CTNND2: variants seen among roughly 807,000 people sequenced by gnomAD.
CTNND2 encodes catenin delta-2.
CTNND2 carries 22 observed loss-of-function variants against 144.4 expected under a neutral mutation model. The ratio of observed to expected loss-of-function variants is 0.15; its 90% CI spans 0.11 to 0.22. CTNND2 has a LOEUF of 0.22. Ranked by LOEUF, CTNND2 falls within the 10% of genes least tolerant of loss-of-function variation. The pLI, the probability that CTNND2 is intolerant of heterozygous loss-of-function variation, is 1.00. For synonymous variants in CTNND2, 751 were observed against 695.6 expected (o/e 1.08, Z -1.25); for missense variants, 1,353 against 1,618.8 (o/e 0.84, Z 2.82).
chr5:11,296,362 G>A (rs1748999123), intron 9 of CTNND2, among the ~76,000 whole-genome samples: 1 of 152,084 alleles, frequency 6.6e-6, no homozygotes, highest in Non-Finnish European at 1.5e-5. Flanking sequence ...TGGAGAAAAA[G>A]GAACACTTTT....
chr5:11,279,534 GA>G (rs1746905073), intron 9 of CTNND2, among the ~76,000 whole-genome samples: 2 of 152,124 alleles, frequency 1.3e-5, no homozygotes, highest in South Asian at 4.1e-4. Context: ...AAGAGAGCAG[GA>G]ATAGCCAATC....
intron 2 of CTNND2, among the ~76,000 whole-genome samples, chr5:11,677,276 C>G (rs1187682681): frequency 6.6e-6 from 1 of 152,178 alleles, no homozygotes; most frequent in Non-Finnish European, 1.5e-5. Flanking sequence ...ATATCTTGCC[C>G]AAATAGGGCA....
intron 3 of CTNND2, among the ~76,000 whole-genome samples, chr5:11,433,631 G>A (rs1240466170): frequency 6.6e-6 from 1 of 152,146 alleles, no homozygotes; most frequent in Non-Finnish European, 1.5e-5. Flanking sequence ...GCAAAAGAGT[G>A]AGAAAGGGGT....
chr5:11,157,220 T>C (rs1033007354), intron 12 of CTNND2, among the ~76,000 whole-genome samples: 1 of 152,182 alleles, frequency 6.6e-6, no homozygotes, highest in African/African-American at 2.4e-5. Flanking sequence ...TATTTAAAAA[T>C]CTAATCTCTA....
intron 16 of CTNND2, among the ~76,000 whole-genome samples, chr5:11,034,656 G>C (rs1342413133): frequency 6.6e-6 from 1 of 152,204 alleles, no homozygotes; most frequent in Non-Finnish European, 1.5e-5. Context: ...AGTGCACACA[G>C]GCAACTGTCT....
At chr5:11,634,527 A>C (rs1781580887) in intron 2 of CTNND2, among the ~76,000 whole-genome samples, 1 of 152,138 alleles carries the variant, frequency 6.6e-6, no homozygotes, top group African/African-American at 2.4e-5. Flanking sequence ...ACAAACCAGG[A>C]GTCTCTCATT....
At chr5:11,248,774 A>G (rs1489469944) in intron 9 of CTNND2, among the ~76,000 whole-genome samples, 4 of 152,222 alleles carry the variant, frequency 2.6e-5, no homozygotes, top group African/African-American at 7.2e-5. Flanking sequence ...GTCCTGAAGT[A>G]CCTGTCACAG....
chr5:11,660,008 T>C (rs1183853336), intron 2 of CTNND2, among the ~76,000 whole-genome samples: 1 of 152,138 alleles, frequency 6.6e-6, no homozygotes, highest in Non-Finnish European at 1.5e-5. Context: ...GAAGACAGGA[T>C]GAAATCAGAT....
At chr5:11,443,311 G>T (rs1002505479) in intron 3 of CTNND2, among the ~76,000 whole-genome samples, 1 of 94,558 alleles carries the variant, frequency 1.1e-5, no homozygotes, top group African/African-American at 4.1e-5. Context: ...CATGTGTGTG[G>T]TGTGTGTGCA....
intron 1 of CTNND2, among the ~76,000 whole-genome samples, chr5:11,823,476 G>A (rs1475733901): frequency 6.6e-6 from 1 of 152,114 alleles, no homozygotes; most frequent in East Asian, 1.9e-4. Context: ...CACACTGGTG[G>A]CCAAATTGTT....
At position 11,698,025 on chromosome 5, in the gene CTNND2, C is replaced by T. The variant is rs147079651; in HGVS notation, c.174+34111G>A. ...TGGCAGAAAGTAGGAGAGTTACAGT[C>T]AGATTTAATTTTAAAAATCAGTCTG... is the stretch of plus-strand genomic sequence containing the variant. On this transcript the variant is annotated intron_variant, in intron 2 of 21. Coordinates refer to ENST00000304623, the MANE Select transcript of CTNND2 (RefSeq NM_001332.4). Among the ~76,000 whole-genome samples, 191 of 152,212 alleles carry T rather than the reference C, an allele frequency of 1.3e-3. 1 individual carries two copies. Among genetic ancestry groups the T allele is most frequent in the African/African-American group, 4.4e-3 (181 of 41,530 alleles).
intron 3 of CTNND2, among the ~76,000 whole-genome samples, chr5:11,431,370 G>A (rs537785042): frequency 3.3e-5 from 5 of 152,178 alleles, no homozygotes; most frequent in African/African-American, 4.8e-5. Flanking sequence ...AGTTAGCCAC[G>A]TATCCTTGCC....
chr5:11,698,311 C>T (rs1347157568), intron 2 of CTNND2, among the ~76,000 whole-genome samples: 10 of 144,944 alleles, frequency 6.9e-5, no homozygotes, highest in Non-Finnish European at 1.3e-4. Context: ...TTTTTTGAGA[C>T]GGAGTCTCGC....
chr5:11,410,185 T>C (rs1263483311), intron 5 of CTNND2, among the ~76,000 whole-genome samples: 3 of 152,022 alleles, frequency 2.0e-5, no homozygotes, highest in Non-Finnish European at 4.4e-5. Flanking sequence ...TGACTATGAG[T>C]AAAAGAGGTA....
chr5:11,721,601 C>G (rs958695890), intron 2 of CTNND2, among the ~76,000 whole-genome samples: 1 of 152,232 alleles, frequency 6.6e-6, no homozygotes, highest in African/African-American at 2.4e-5. Flanking sequence ...CTGCTTCACA[C>G]AGCATTAGCT....
chr5:11,588,148 C>A (rs1246755396), intron 2 of CTNND2, among the ~76,000 whole-genome samples: 2 of 151,986 alleles, frequency 1.3e-5, no homozygotes, highest in Non-Finnish European at 2.9e-5. Flanking sequence ...TCACTGAGAA[C>A]CAAATAATCT....
chr5:11,316,715 C>A (rs1751545492), intron 9 of CTNND2, among the ~76,000 whole-genome samples: 1 of 137,264 alleles, frequency 7.3e-6, no homozygotes, highest in Non-Finnish European at 1.5e-5. Flanking sequence ...TTGTTCAATT[C>A]CCGCCTATGA....
chr5:11,603,360 A>G (rs1779896568), intron 2 of CTNND2, among the ~76,000 whole-genome samples: 2 of 152,200 alleles, frequency 1.3e-5, no homozygotes, highest in Admixed American at 1.3e-4. Flanking sequence ...TATCCACATT[A>G]TAATTTTAAT....
intron 2 of CTNND2, among the ~76,000 whole-genome samples, chr5:11,631,892 T>A (rs1339386925): frequency 6.6e-6 from 1 of 152,170 alleles, no homozygotes; most frequent in African/African-American, 2.4e-5. Context: ...ACATGGGGCA[T>A]GTCCCGGACC....
Sources: gnomAD v4.1 joint callset for allele counts (sites outside exome capture counted in the v4.1 genomes callset) on GRCh38, gnomAD v4.1.1 for gene constraint, MANE v1.5 for transcripts, NCBI Gene and HGNC (gene_info 2026-07-23, HGNC 2026-07-21) for gene names.